The following TG variants were observed in gnomAD, a reference collection of about 807,000 sequenced individuals.
TG encodes the protein thyroid hormones.
In TG, 270 loss-of-function variants were observed where a neutral mutation model predicts 324.7. The ratio of observed to expected loss-of-function variants is 0.83; its 90% CI spans 0.75 to 0.92. TG has a LOEUF of 0.92. Ranked by LOEUF, TG falls within the 40% of genes least tolerant of loss-of-function variation. TG has a pLI of 0.00. For synonymous variants in TG, 1,401 were observed against 1,327.0 expected, an observed-to-expected ratio of 1.06 and a Z score of -1.21; for missense variants, 3,591 against 3,456.4, an observed-to-expected ratio of 1.04 and a Z score of -0.98.
At position 132,901,555 on chromosome 8, in the gene TG, T is replaced by C; in HGVS notation, c.3634+2T>C. On this transcript the variant is annotated splice_donor_variant, in intron 16 of 47. Transcript: ENST00000220616. LOFTEE classifies it high-confidence loss of function. ...CCGGGGGCCAGCCCGCCTGTGAGAG[T>C]AAGTCATGACCCCCTGGGGGGACGA... The C allele has an allele frequency of 1.9e-6, 3 of 1,612,406 alleles. No homozygotes were observed. Among genetic ancestry groups the C allele is most frequent in the East Asian group, 2.2e-5 (1 of 44,858 alleles).
intron 45 of TG, among the ~76,000 whole-genome samples, chr8:133,125,547 A>G (rs1004062541): frequency 6.6e-5 from 10 of 152,212 alleles, no homozygotes; most frequent in Non-Finnish European, 1.5e-4. Context: ...GAAGAATCCA[A>G]TTTGGAGATC....
intron 35 of TG, 79 bp from the exon 36 acceptor site, chr8:133,011,822 G>T: frequency 6.2e-7 from 1 of 1,601,008 alleles, no homozygotes; most frequent in Non-Finnish European, 8.5e-7. Context: ...TGCCTTTGGG[G>T]ATATTGGGTA....
At position 133,128,130 on chromosome 8, in the gene TG, C is replaced by T. The variant is rs114937154; in HGVS notation, c.7863-3682C>T. Among the ~76,000 whole-genome samples, 931 of 152,140 alleles carry T rather than the reference C, an allele frequency of 6.1e-3. 13 individuals are homozygous for T. Among genetic ancestry groups the T allele is most frequent in the African/African-American group, 0.022 (896 of 41,488 alleles). On this transcript the variant is annotated intron_variant, in intron 45 of 47. Coordinates refer to ENST00000220616, the MANE Select transcript of TG (RefSeq NM_003235.5). ...CTCACAACATTTTATTTTTGAAAAG[C>T]AGTGGTTGATCGCACTTTCTTGTTA...
At chr8:133,004,971 G>A (rs2130853553) in intron 35 of TG, among the ~76,000 whole-genome samples, 1 of 152,304 alleles carries the variant, frequency 6.6e-6, no homozygotes, top group South Asian at 2.1e-4. Context: ...AGACTCCACT[G>A]GGAGGAGGCG....
At chr8:133,048,367 T>G (rs1302349606) in intron 41 of TG, among the ~76,000 whole-genome samples, 1 of 152,118 alleles carries the variant, frequency 6.6e-6, no homozygotes, top group African/African-American at 2.4e-5. Context: ...ATTACAGGCA[T>G]GCACCACCAC....
chr8:133,066,890 C>T (rs1269765357), intron 41 of TG, among the ~76,000 whole-genome samples: 3 of 152,184 alleles, frequency 2.0e-5, no homozygotes, highest in African/African-American at 2.4e-5. Flanking sequence ...GGTTGGCTAA[C>T]TCACTGTGCA....
chr8:133,035,231 A>G (rs1836987823), intron 41 of TG, among the ~76,000 whole-genome samples: 1 of 152,180 alleles, frequency 6.6e-6, no homozygotes, highest in African/African-American at 2.4e-5. Context: ...GCAATATGTC[A>G]TTTATTTATA....
chr8:132,883,096 C>T (rs1814899448), intron 8 of TG, 97 bp downstream of exon 8: 2 of 1,360,982 alleles, frequency 1.5e-6, no homozygotes, highest in South Asian at 1.3e-5. Flanking sequence ...ATTCAACTGC[C>T]TTCTAGTGTG....
At chr8:132,945,964 A>T (rs1371792048) in intron 26 of TG, among the ~76,000 whole-genome samples, 4 of 151,988 alleles carry the variant, frequency 2.6e-5, no homozygotes, top group Non-Finnish European at 4.4e-5. Context: ...GATTCCTAAA[A>T]TTCCTTCTAC....
intron 37 of TG, among the ~76,000 whole-genome samples, chr8:133,017,393 T>A (rs771785755): frequency 5.9e-5 from 9 of 152,082 alleles, no homozygotes; most frequent in South Asian, 4.2e-4. Context: ...ACAGAAATGT[T>A]GGCTGTGTTT....
At chr8:132,984,346 C>T (rs138482642) in intron 35 of TG, among the ~76,000 whole-genome samples, 87 of 152,290 alleles carry the variant, frequency 5.7e-4, no homozygotes, top group Middle Eastern at 6.8e-3. Context: ...TTCCCTCAGT[C>T]AGTTAAAATA....
At chr8:133,044,875 G>A in intron 41 of TG, 1 of 1,053,282 alleles carries the variant, frequency 9.5e-7, no homozygotes, top group South Asian at 1.4e-5. Flanking sequence ...CATGAAGGCA[G>A]CATAGGCAGT....
At chr8:132,907,047 A>G (rs1362247870) in intron 17 of TG, 147 bp downstream of exon 17, 1 of 807,446 alleles carries the variant, frequency 1.2e-6, no homozygotes, top group Non-Finnish European at 2.0e-6. Context: ...GATGGGAGAG[A>G]GTCCCATGGA....
At chr8:133,131,975 T>C (rs1034693392) in intron 46 of TG, 29 bp downstream of exon 46, 3 of 1,613,784 alleles carry the variant, frequency 1.9e-6, no homozygotes, top group Non-Finnish European at 1.7e-6. Flanking sequence ...TTCAGAATTC[T>C]GTCACTGTGC....
chr8:132,904,495 C>T (rs943153500), intron 16 of TG, among the ~76,000 whole-genome samples: 5 of 152,244 alleles, frequency 3.3e-5, no homozygotes, highest in Non-Finnish European at 7.3e-5. Context: ...TTCTGCACTT[C>T]TTCCTTCTCT....
chr8:132,869,608 TA>T, intron 2 of TG, 120 bp from the exon 3 acceptor site: 2 of 880,028 alleles, frequency 2.3e-6, no homozygotes, highest in Non-Finnish European at 1.9e-6. Context: ...ACTCTCTCCC[TA>T]ATTTAAACGA....
chr8:132,927,930 G>A (rs756962522), intron 22 of TG, among the ~76,000 whole-genome samples: 2 of 152,196 alleles, frequency 1.3e-5, no homozygotes, highest in Non-Finnish European at 2.9e-5. Flanking sequence ...AGGGCTTTGT[G>A]TGGGCAGAGC....
At chr8:133,117,260 G>A (rs537695482) in intron 45 of TG, among the ~76,000 whole-genome samples, 2 of 152,290 alleles carry the variant, frequency 1.3e-5, no homozygotes, top group African/African-American at 4.8e-5. Flanking sequence ...ATAGAATTTA[G>A]CCTTGAGTTT....
At chr8:133,021,716 C>A (rs61034654) in intron 39 of TG, among the ~76,000 whole-genome samples, 35,898 of 152,056 alleles carry the variant, frequency 0.24, 4,338 homozygotes, top group Non-Finnish European at 0.25. Flanking sequence ...TGTGTCCTGA[C>A]CCCCTCTTCT....
Sources: allele counts gnomAD v4.1 joint callset (sites outside exome capture counted in the v4.1 genomes callset), GRCh38; gene constraint gnomAD v4.1.1; transcripts MANE v1.5; gene names NCBI Gene and HGNC (gene_info 2026-07-23, HGNC 2026-07-21).